Variants in TRIM11 observed in about 807,000 individuals in gnomAD.
TRIM11 encodes the protein tripartite motif containing 11, also known as E3 ubiquitin-protein ligase TRIM11.
A neutral mutation model predicts 33.4 loss-of-function variants in TRIM11; 15 were observed. The observed-to-expected ratio is 0.45, with a 90% CI of 0.30 to 0.69. The LOEUF (loss-of-function observed/expected upper bound fraction) is 0.69, where lower values mean the gene tolerates loss of function less well. Among genes scored for constraint, TRIM11 ranks in the 30% least tolerant of loss-of-function variants. The probability of loss-of-function intolerance (pLI) is 0.08; values close to 1 mark genes in which losing one functional copy is unlikely to be tolerated. For missense variants in TRIM11, 499 were observed against 667.6 expected (o/e 0.75, Z 2.78); for synonymous variants, 281 against 302.6 (o/e 0.93, Z 0.74).
intron 3 of TRIM11, among the ~76,000 whole-genome samples, chr1:228,399,428 G>A (rs2075012559): frequency 6.6e-6 from 1 of 152,158 alleles, no homozygotes; most frequent in Non-Finnish European, 1.5e-5. Flanking sequence ...GGTGAATGCA[G>A]GTGGGTGTAT....
rs1558448277 is a variant in TRIM11 at position 228,402,156 on chromosome 1, C to T, written c.414G>A (p.Lys138=). The T allele has an allele frequency of 6.2e-7, 1 of 1,611,524 alleles. No homozygotes were observed. Among genetic ancestry groups the T allele is most frequent in the Non-Finnish European group, 8.5e-7 (1 of 1,178,820 alleles). Residue 138 remains lysine, a synonymous_variant, in exon 2 of 6, where the codon AAG becomes AAA. Coordinates refer to ENST00000284551, the MANE Select transcript of TRIM11 (RefSeq NM_145214.3). The part of the protein sequence containing the change: ...LQDAAEDLKA[K]LEKSLEHLRK... ...GGAGATGCTCCAGTGACTTCTCCAG[C>T]TTCGCCTGCGGGAGAGGCCAGGCAG...
rs551071503 is a variant in TRIM11, at chr1:228,405,843, T to C, written c.408+311A>G. On this transcript the variant is annotated intron_variant, in intron 1 of 5. Coordinates refer to ENST00000284551, the MANE Select transcript of TRIM11 (RefSeq NM_145214.3). The stretch of plus-strand genomic sequence containing the variant: ...TTTTCCTTGCCCCCACTCCACCACC[T>C]TCCACCTTCCACCTTCCTCTCTTAG... 2.5e-5 allele frequency: 8 copies of C among 319,818 alleles called. No homozygotes were observed. The East Asian group carries it at 3.9e-4, about 16-fold the overall frequency. The allele number at this position is 319,818 out of a possible 1,614,324, so 19.8% of individuals were successfully genotyped here.
intron 1 of TRIM11, chr1:228,404,004 G>A (rs1223632548): frequency 6.6e-6 from 1 of 152,254 alleles, no homozygotes; most frequent in Non-Finnish European, 1.5e-5. Context: ...TTGATCAGAT[G>A]GAATGGGCTG....
In TRIM11 at chr1:228,406,504, G is replaced by C; in HGVS notation, c.58C>G (p.Leu20Val). 6.3e-7 allele frequency: 1 copy of C among 1,583,362 alleles called. No homozygotes were observed. The highest frequency in any genetic ancestry group is 8.6e-7 in the Non-Finnish European group (1 of 1,166,724). Residue 20 changes from leucine (L) to valine (V), a missense_variant, in exon 1 of 6, where the codon CTC becomes GTC. By Grantham distance (32) the Leu-to-Val change is conservative (BLOSUM62 1). Coordinates refer to ENST00000284551, the MANE Select transcript of TRIM11 (RefSeq NM_145214.3). The surrounding 1 kb of genome is among the most constrained non-coding windows in gnomAD (Gnocchi z 8.2). ...LQEEATCAIC[L>V]DYFTDPVMTD... Reference sequence around the variant, plus strand: ...ATCACCGGATCCGTGAAGTAGTCGAGGCAGATGGCGCAGGTGGCCTCCTCC... The same window carrying C: ...ATCACCGGATCCGTGAAGTAGTCGACGCAGATGGCGCAGGTGGCCTCCTCC...
In TRIM11 at chr1:228,395,170, T is replaced by C; in HGVS notation, c.942A>G (p.Leu314=). The change falls in exon 6 of 6, where the codon CTA becomes CTG. Residue 314 remains leucine (L), a synonymous_variant. Transcript: ENST00000284551. The surrounding 1 kb of genome is among the most constrained non-coding windows in gnomAD (Gnocchi z 4.8). ...CTGGGCTGTCCGGCAGGGCCTGCCGTAGGTCCCCCCGCTGCACGCTCCGCC... is the reference window on the plus strand; with the variant it reads ...CTGGGCTGTCCGGCAGGGCCTGCCGCAGGTCCCCCCGCTGCACGCTCCGCC... ...EDRRSVQRGD[L]RQALPDSPER... 6.6e-7 allele frequency: 1 copy of C among 1,525,204 alleles called. No homozygotes were observed. The highest frequency in any genetic ancestry group is 8.8e-7 in the Non-Finnish European group (1 of 1,142,514). 94.5% of individuals were successfully genotyped at this position (1,525,204 alleles called of 1,614,324 possible). A position where few individuals can be genotyped will look rare whatever the true frequency, so the allele number is the denominator to read the frequency against.
At position 228,394,942 on chromosome 1, in the gene TRIM11, C is replaced by T. The variant is rs34297060; in HGVS notation, c.1170G>A (p.Ser390=). The change falls in exon 6 of 6, where the codon TCG becomes TCA. Residue 390 remains serine (S), a synonymous_variant. Transcript: ENST00000284551. This position sits in a 1 kb window ranked among gnomAD's most constrained non-coding sequence, Gnocchi z 6.2. ...CCCGGAGTGGAGCCAAGGCCCGTTC[C>T]GAGGAATTGTAATAGCTCCCCAGGA... ...LVFLGSYYNS[S]ERALAPLRDP... is the part of the protein sequence containing the mutation. 0.015 allele frequency: 23,923 copies of T among 1,614,116 alleles called. 307 individuals are homozygous for T. The highest frequency in any genetic ancestry group is 0.063 in the East Asian group (2,805 of 44,858).
chr1:228,394,854 C>T lies in TRIM11; in HGVS notation c.1258G>A (p.Ala420Thr). 6.2e-7 allele frequency: 1 copy of T among 1,614,060 alleles called. No individual in the cohort carries two copies. The highest frequency in any genetic ancestry group is 8.5e-7 in the Non-Finnish European group (1 of 1,179,986). The change falls in exon 6 of 6, where the codon GCC (alanine) becomes ACC (threonine). Residue 420 changes from alanine (A) to threonine (T), a missense_variant. By Grantham distance (58) the Ala-to-Thr change is moderately conservative (BLOSUM62 0). Coordinates refer to ENST00000284551, the MANE Select transcript of TRIM11 (RefSeq NM_145214.3). This position sits in a 1 kb window ranked among gnomAD's most constrained non-coding sequence, Gnocchi z 6.2. ...YEAGHLSFYS[A>T]TDGSLLFIFP... ...ATGAATAGCAGTGACCCATCGGTGG[C>T]ACTGTAGAAAGAGAGATGTCCAGCC...
chr1:228,394,677 C>G lies in TRIM11; in HGVS notation c.*28G>C. 1 of 1,559,876 alleles carries G rather than the reference C, an allele frequency of 6.4e-7. No homozygotes were observed. Among genetic ancestry groups the G allele is most frequent in the Non-Finnish European group, 8.7e-7 (1 of 1,150,020 alleles). On this transcript the variant is annotated 3_prime_UTR_variant, in exon 6 of 6. Transcript: ENST00000284551. The surrounding 1 kb of genome is among the most constrained non-coding windows in gnomAD (Gnocchi z 6.2). ...CAGTGGCCTGGAGGGGCAGGAGAGG[C>G]AACAGGACTCCTCCAGGAGGGCCCG... is the stretch of plus-strand genomic sequence containing the variant.
In TRIM11 at chr1:228,398,471, T is replaced by A. The variant is rs183835819; in HGVS notation, c.736-1306A>T. On this transcript the variant is annotated intron_variant, in intron 3 of 5. Transcript: ENST00000284551. Reference sequence around the variant, plus strand: ...CATCTCTAAAAAAAAATTTTAAAATTAGCTGAGCTTGGTGGTGTGTGCCTA... The same window carrying A: ...CATCTCTAAAAAAAAATTTTAAAATAAGCTGAGCTTGGTGGTGTGTGCCTA... Among the ~76,000 whole-genome samples the A allele has an allele frequency of 9.2e-5, 14 of 152,120 alleles. No homozygotes were observed. In the East Asian group the frequency reaches 2.1e-3, roughly 23 times the overall value.
At position 228,397,046 on chromosome 1, in the gene TRIM11, C is replaced by G; in HGVS notation, c.760G>C (p.Val254Leu). The G allele has an allele frequency of 6.2e-7, 1 of 1,613,936 alleles. No individual in the cohort carries two copies. The highest frequency in any genetic ancestry group is 8.5e-7 in the Non-Finnish European group (1 of 1,179,886). The change falls in exon 5 of 6, where the codon GTC becomes CTC. Residue 254 changes from valine to leucine, a missense_variant and splice_region_variant. Transcript: ENST00000284551. ...LQDIKDALRR[V>L]QDVKLQPPEV... is the part of the protein sequence containing the mutation. Reference sequence around the variant, plus strand: ...GGGGGCTGCAGCTTCACATCCTGGACCCTAGAGGGGACAACCCAGGTGTTG... The same window carrying G: ...GGGGGCTGCAGCTTCACATCCTGGAGCCTAGAGGGGACAACCCAGGTGTTG...
chr1:228,402,097 G>T lies in TRIM11; in HGVS notation c.473C>A (p.Ala158Asp), dbSNP rs759381779. The T allele has an allele frequency of 6.2e-7, 1 of 1,613,256 alleles. No individual in the cohort carries two copies. Among genetic ancestry groups the T allele is most frequent in the Non-Finnish European group, 8.5e-7 (1 of 1,179,600 alleles). Residue 158 changes from alanine to aspartate, a missense_variant, in exon 2 of 6, where the codon GCC becomes GAC. Coordinates refer to ENST00000284551, the MANE Select transcript of TRIM11 (RefSeq NM_145214.3). ...KQMQDALLFQAQADETCVLWQ... is the reference protein window; with the variant it reads ...KQMQDALLFQDQADETCVLWQ... The stretch of plus-strand genomic sequence containing the variant: ...CAAGACGCAGGTCTCATCCGCCTGG[G>T]CTTGGAACAGCAACGCATCCTGCAT...
rs559769695 is a variant in TRIM11 at position 228,400,935 on chromosome 1, C to T, written c.735+29G>A. The T allele has an allele frequency of 1.3e-6, 2 of 1,515,412 alleles. No individual in the cohort carries two copies. The highest frequency in any genetic ancestry group is 4.7e-5 in the East Asian group (2 of 42,236). 93.9% of individuals were successfully genotyped at this position (1,515,412 alleles called of 1,614,324 possible). ...GTGTGGCCAGGCCATGCCCGTGTGG[C>T]CACCATGGCTGCTCCCCGCCCAGCT... On this transcript the variant is annotated intron_variant, in intron 3 of 5. Transcript: ENST00000284551. The surrounding 1 kb of genome is among the most constrained non-coding windows in gnomAD (Gnocchi z 4.5).
At position 228,401,150 on chromosome 1, in the gene TRIM11, C is replaced by G; in HGVS notation, c.549G>C (p.Glu183Asp). 1 of 1,613,620 alleles carries G rather than the reference C, an allele frequency of 6.2e-7. No homozygotes were observed. The highest frequency in any genetic ancestry group is 8.5e-7 in the Non-Finnish European group (1 of 1,179,934). Residue 183 changes from glutamate to aspartate, a missense_variant, in exon 3 of 6, where the codon GAG (glutamate) becomes GAC (aspartate). Glu to Asp is a conservative substitution (Grantham distance 45). Coordinates refer to ENST00000284551, the MANE Select transcript of TRIM11 (RefSeq NM_145214.3). The surrounding 1 kb of genome is among the most constrained non-coding windows in gnomAD (Gnocchi z 6.1). ...CCTCTGCCAGCAAACGGCGAAGACG[C>G]TCGAACTCACCCAGCACGTTCTGCC... ...SQRQNVLGEF[E>D]RLRRLLAEEE...
intron 3 of TRIM11, among the ~76,000 whole-genome samples, chr1:228,398,562 T>C (rs544238308): frequency 2.6e-5 from 4 of 152,236 alleles, no homozygotes; most frequent in South Asian, 4.2e-4. Flanking sequence ...GAGGCTGCAG[T>C]CATAATCACA....
At position 228,396,654 on chromosome 1, in the gene TRIM11, T is replaced by C. The variant is rs548063719; in HGVS notation, c.859+293A>G. 4.2e-6 allele frequency: 3 copies of C among 712,362 alleles called. No individual in the cohort carries two copies. In the African/African-American group the frequency reaches 5.2e-5, roughly 12 times the overall value. The allele number at this position is 712,362 out of a possible 1,614,324, so 44.1% of individuals were successfully genotyped here. ...GTCTTATGGGACTGAGCCCTTAATCTGTGGGGTCTGTACTAACTCCTGTAG... is the reference window on the plus strand; with the variant it reads ...GTCTTATGGGACTGAGCCCTTAATCCGTGGGGTCTGTACTAACTCCTGTAG... On this transcript the variant is annotated intron_variant, in intron 5 of 5. Coordinates refer to ENST00000284551, the MANE Select transcript of TRIM11 (RefSeq NM_145214.3).
In TRIM11 at chr1:228,403,785, G is replaced by C. The variant is rs1656311347; in HGVS notation, c.409-1624C>G. The C allele has an allele frequency of 6.6e-6, 1 of 152,306 alleles. No individual in the cohort carries two copies. The highest frequency in any genetic ancestry group is 1.5e-5 in the Non-Finnish European group (1 of 68,090). 9.4% of individuals were successfully genotyped at this position (152,306 alleles called of 1,614,324 possible). Reference sequence around the variant, plus strand: ...TTCTTCTGCCTCAGCCCCCTGAGTAGCTGGGATTACAGGTGCCCATCACCA... The same window carrying C: ...TTCTTCTGCCTCAGCCCCCTGAGTACCTGGGATTACAGGTGCCCATCACCA... On this transcript the variant is annotated intron_variant, in intron 1 of 5. Coordinates refer to ENST00000284551, the MANE Select transcript of TRIM11 (RefSeq NM_145214.3). The surrounding 1 kb of genome is among the most constrained non-coding windows in gnomAD (Gnocchi z 4.8).
intron 1 of TRIM11, chr1:228,404,461 G>T (rs1656333745): frequency 6.6e-6 from 1 of 152,256 alleles, no homozygotes; most frequent in African/African-American, 2.4e-5. Flanking sequence ...GGCCCATGGG[G>T]GCAGGTAAAA....
rs1258256565 is a variant in TRIM11, at chr1:228,395,639, A to ATCC, written c.860-390_860-388dup. 1 of 171,404 alleles carries ATCC rather than the reference A, an allele frequency of 5.8e-6. No homozygotes were observed. The highest frequency in any genetic ancestry group is 1.2e-5 in the Non-Finnish European group (1 of 81,620). 10.6% of individuals were successfully genotyped at this position (171,404 alleles called of 1,614,324 possible). A position where few individuals can be genotyped will look rare whatever the true frequency, so the allele number is the denominator to read the frequency against. On this transcript the variant is annotated intron_variant, in intron 5 of 5. Transcript: ENST00000284551. The surrounding 1 kb of genome is among the most constrained non-coding windows in gnomAD (Gnocchi z 4.8). ...GGCTCAAATGATCCTCCCGCCTCAG[A>ATCC]TCCTCCCAAGCTGCTGGGATTACAG...
At position 228,406,088 on chromosome 1, in the gene TRIM11, C is replaced by A; in HGVS notation, c.408+66G>T. Reference sequence around the variant, plus strand: ...CCGGAGCAGTCCCCCAAACCTCCCACCCGCCCAGGCCTCCCCAGTCCCCGG... The same window carrying A: ...CCGGAGCAGTCCCCCAAACCTCCCAACCGCCCAGGCCTCCCCAGTCCCCGG... On this transcript the variant is annotated intron_variant, in intron 1 of 5. Coordinates refer to ENST00000284551, the MANE Select transcript of TRIM11 (RefSeq NM_145214.3). The surrounding 1 kb of genome is among the most constrained non-coding windows in gnomAD (Gnocchi z 8.2). The A allele has an allele frequency of 4.8e-6, 6 of 1,238,140 alleles. No individual in the cohort carries two copies. The highest frequency in any genetic ancestry group is 5.2e-6 in the Non-Finnish European group (5 of 960,600). The allele number at this position is 1,238,140 out of a possible 1,614,324, so 76.7% of individuals were successfully genotyped here.
Sources: allele counts gnomAD v4.1 joint callset (sites outside exome capture counted in the v4.1 genomes callset), GRCh38; gene constraint gnomAD v4.1.1; non-coding constraint Gnocchi (gnomAD v3.1); transcripts MANE v1.5; gene names NCBI Gene and HGNC (gene_info 2026-07-23, HGNC 2026-07-21).